Variants in SENP1 observed in about 807,000 individuals in gnomAD.
The protein encoded by SENP1 is sentrin-specific protease 1.
A neutral mutation model predicts 93.0 loss-of-function variants in SENP1; 21 were observed. The ratio of observed to expected loss-of-function variants is 0.23; its 90% CI spans 0.16 to 0.33. SENP1 has a LOEUF of 0.33. Ranked by LOEUF, SENP1 falls within the 10% of genes least tolerant of loss-of-function variation. The pLI, the probability that SENP1 is intolerant of heterozygous loss-of-function variation, is 1.00. For synonymous variants in SENP1, 256 were observed against 259.6 expected, an observed-to-expected ratio of 0.99 and a Z score of 0.13; for missense variants, 591 against 758.7, an observed-to-expected ratio of 0.78 and a Z score of 2.60.
chr12:48,055,594 G>A (rs1031975242), intron 13 of SENP1: 4 of 151,864 alleles, frequency 2.6e-5, no homozygotes, highest in African/African-American at 9.7e-5. Flanking sequence ...ACCCTATACT[G>A]TTTAGTAAGG....
At chr12:48,046,740 C>T (rs1348346983) in intron 16 of SENP1, among the ~76,000 whole-genome samples, 1 of 152,106 alleles carries the variant, frequency 6.6e-6, no homozygotes, top group Non-Finnish European at 1.5e-5. Context: ...AAACATTCCC[C>T]TTAGGAGTGA....
At chr12:48,097,303 T>TATA (rs1355179409) in intron 3 of SENP1, among the ~76,000 whole-genome samples, 2 of 152,192 alleles carry the variant, frequency 1.3e-5, no homozygotes, top group Non-Finnish European at 2.9e-5. Flanking sequence ...TGGATATATA[T>TATA]TAACTATTAA....
chr12:48,060,698 C>T lies in SENP1; in HGVS notation c.1407+3012G>A, dbSNP rs537574495. 2.0e-5 allele frequency among the ~76,000 whole-genome samples: 3 copies of T among 152,300 alleles called. No individual in the cohort carries two copies. In the South Asian group the frequency reaches 6.2e-4, roughly 32 times the overall value. ...AACCTGGGCTCAAGCAATCCTTACA[C>T]CTCAGCCTCTCAGTGTTCGGATTAC... On this transcript the variant is annotated intron_variant, in intron 13 of 17. Coordinates refer to ENST00000549518, the MANE Select transcript of SENP1 (RefSeq NM_001267594.2).
At chr12:48,065,368 A>C in intron 11 of SENP1, 148 bp from the exon 12 acceptor site, 1 of 711,540 alleles carries the variant, frequency 1.4e-6, no homozygotes, top group Non-Finnish European at 2.3e-6. Context: ...AAGTCAAAAA[A>C]TCATTAGTCG....
At chr12:48,101,583 G>A (rs1945936960) in intron 1 of SENP1, 67 bp from the exon 2 acceptor site, 2 of 809,836 alleles carry the variant, frequency 2.5e-6, no homozygotes, top group African/African-American at 1.8e-5. Context: ...ATTTTAGAAG[G>A]TGCAGCCACT....
intron 13 of SENP1, among the ~76,000 whole-genome samples, chr12:48,056,365 TATATTACATATATATTTAATATAGTAC>T (rs1942348264): frequency 1.7e-5 from 2 of 117,444 alleles, no homozygotes; most frequent in Non-Finnish European, 3.2e-5. Context: ...TATTATTTAA[TATATTACATATATATTTAATATAGTAC>T]ATATTACATA....
At chr12:48,079,713 C>T (rs1565783897) in intron 6 of SENP1, among the ~76,000 whole-genome samples, 1 of 151,816 alleles carries the variant, frequency 6.6e-6, no homozygotes, top group Non-Finnish European at 1.5e-5. Flanking sequence ...TAAAAGGCTC[C>T]ATCATAAAAG....
intron 13 of SENP1, among the ~76,000 whole-genome samples, chr12:48,058,199 G>A (rs1324339631): frequency 6.6e-6 from 1 of 151,954 alleles, no homozygotes; most frequent in Non-Finnish European, 1.5e-5. Flanking sequence ...ACCCGCCTCG[G>A]CCTCCCAAAA....
chr12:48,056,365 T>TATAGTAC (rs1241532308), intron 13 of SENP1, among the ~76,000 whole-genome samples: 4 of 117,444 alleles, frequency 3.4e-5, no homozygotes, highest in Middle Eastern at 0.012. Flanking sequence ...TATTATTTAA[T>TATAGTAC]ATATTACATA....
intron 4 of SENP1, among the ~76,000 whole-genome samples, chr12:48,093,353 C>T (rs546034935): frequency 1.2e-4 from 18 of 149,720 alleles, no homozygotes; most frequent in South Asian, 6.3e-4. Flanking sequence ...GCGCGATCTC[C>T]GCTCACTGCA....
chr12:48,096,514 G>A (rs1037118412), intron 3 of SENP1, 87 bp from the exon 4 acceptor site: 7 of 767,166 alleles, frequency 9.1e-6, no homozygotes, highest in African/African-American at 3.5e-5. Context: ...GGAGTACACC[G>A]GCACAATCTC....
chr12:48,089,742 C>T (rs1945104346), intron 4 of SENP1, among the ~76,000 whole-genome samples: 1 of 152,204 alleles, frequency 6.6e-6, no homozygotes, highest in African/African-American at 2.4e-5. Flanking sequence ...TTTAAAACAG[C>T]TCCCTCAAAA....
chr12:48,092,195 G>A (rs1395168270), intron 4 of SENP1, among the ~76,000 whole-genome samples: 1 of 152,046 alleles, frequency 6.6e-6, no homozygotes, highest in African/African-American at 2.4e-5. Context: ...GGGACAGCAG[G>A]GTGAGAGAGA....
chr12:48,065,346 C>T (rs184803349), intron 11 of SENP1, 126 bp from the exon 12 acceptor site: 17 of 787,442 alleles, frequency 2.2e-5, no homozygotes, highest in Admixed American at 5.9e-5. Flanking sequence ...CCATTGCTTT[C>T]GCTTTTTTGT....
intron 9 of SENP1, among the ~76,000 whole-genome samples, chr12:48,067,401 C>T (rs550065751): frequency 1.3e-5 from 2 of 152,314 alleles, no homozygotes; most frequent in Admixed American, 6.5e-5. Context: ...AGCCAATGAG[C>T]CAAAGCAGAG....
chr12:48,083,847 T>A, intron 5 of SENP1, 85 bp from the exon 6 acceptor site: 1 of 970,696 alleles, frequency 1.0e-6, no homozygotes, highest in Non-Finnish European at 1.5e-6. Flanking sequence ...TTTCAAAATA[T>A]AAAACCAACC....
chr12:48,103,243 A>G (rs1486782741), intron 1 of SENP1, among the ~76,000 whole-genome samples: 3 of 152,224 alleles, frequency 2.0e-5, no homozygotes, highest in Non-Finnish European at 4.4e-5. Flanking sequence ...AGGAAGCTAG[A>G]AATTCAAAGA....
intron 5 of SENP1, among the ~76,000 whole-genome samples, chr12:48,087,680 G>A (rs1439736255): frequency 2.6e-5 from 4 of 152,160 alleles, no homozygotes; most frequent in Admixed American, 2.6e-4. Flanking sequence ...GAGTGTATGA[G>A]TGAATTACTG....
At chr12:48,084,569 C>T (rs1944714492) in intron 5 of SENP1, among the ~76,000 whole-genome samples, 1 of 151,590 alleles carries the variant, frequency 6.6e-6, no homozygotes, top group Non-Finnish European at 1.5e-5. Context: ...CCGCCTCAGC[C>T]TCCCGAATAG....
Sources: gnomAD v4.1 joint callset for allele counts (sites outside exome capture counted in the v4.1 genomes callset) on GRCh38, gnomAD v4.1.1 for gene constraint, MANE v1.5 for transcripts, NCBI Gene and HGNC (gene_info 2026-07-23, HGNC 2026-07-21) for gene names.